RAB7A: variants seen among roughly 807,000 people sequenced by gnomAD.
RAB7A encodes ras-related protein Rab-7a.
Under a neutral mutation model 24.5 loss-of-function variants are expected in RAB7A, and 2 were observed. The observed-to-expected ratio is 0.08, with a 90% CI of 0.03 to 0.26. The LOEUF (loss-of-function observed/expected upper bound fraction) is 0.26. Among genes scored for constraint, RAB7A ranks in the 10% least tolerant of loss-of-function variants. The pLI, the probability that RAB7A is intolerant of heterozygous loss-of-function variation, is 1.00. For synonymous variants in RAB7A, 100 were observed against 95.9 expected (o/e 1.04, Z -0.25); for missense variants, 118 against 255.7 (o/e 0.46, Z 3.67).
intron 1 of RAB7A, among the ~76,000 whole-genome samples, chr3:128,741,489 A>AT (rs890131659): frequency 4.6e-5 from 7 of 152,068 alleles, no homozygotes; most frequent in African/African-American, 2.4e-5. Context: ...TTGACTAGAA[A>AT]TTTTTTTTAT....
intron 2 of RAB7A, 126 bp downstream of exon 2, chr3:128,795,546 C>T (rs905078244): frequency 3.4e-5 from 29 of 856,554 alleles, no homozygotes; most frequent in Non-Finnish European, 5.4e-5. Flanking sequence ...ACATGTTTCC[C>T]TCCACGGCAG....
intron 1 of RAB7A, among the ~76,000 whole-genome samples, chr3:128,728,282 C>A (rs1411180377): frequency 1.3e-5 from 2 of 152,212 alleles, no homozygotes; most frequent in East Asian, 3.9e-4. Context: ...CAGTAGTAAC[C>A]CAAAGGATGG....
chr3:128,798,198 A>C, intron 3 of RAB7A, 129 bp downstream of exon 3: 2 of 1,239,584 alleles, frequency 1.6e-6, no homozygotes, highest in Non-Finnish European at 2.3e-6. Context: ...TAATTGGCTG[A>C]TACTCAGTTA....
At chr3:128,793,749 A>G (rs1458140364) in intron 1 of RAB7A, among the ~76,000 whole-genome samples, 3 of 152,222 alleles carry the variant, frequency 2.0e-5, no homozygotes, top group Admixed American at 2.0e-4. Context: ...ACAGAACTCC[A>G]AGTCATCTTA....
chr3:128,730,253 G>A (rs1420764142), intron 1 of RAB7A, among the ~76,000 whole-genome samples: 2 of 149,338 alleles, frequency 1.3e-5, no homozygotes, highest in African/African-American at 2.5e-5. Flanking sequence ...TTTTTTAGAC[G>A]GAATCTTGCT....
chr3:128,735,231 G>A (rs2070479665), intron 1 of RAB7A, among the ~76,000 whole-genome samples: 1 of 152,202 alleles, frequency 6.6e-6, no homozygotes, highest in Non-Finnish European at 1.5e-5. Context: ...AAATAAATTG[G>A]TAGGCAGGTG....
intron 1 of RAB7A, among the ~76,000 whole-genome samples, chr3:128,786,488 A>G (rs1466624133): frequency 2.0e-5 from 3 of 152,208 alleles, no homozygotes; most frequent in Non-Finnish European, 4.4e-5. Flanking sequence ...TGAGGGCAAG[A>G]TGACTGCTGG....
At chr3:128,751,325 A>G (rs765640421) in intron 1 of RAB7A, among the ~76,000 whole-genome samples, 2 of 152,180 alleles carry the variant, frequency 1.3e-5, no homozygotes, top group Admixed American at 6.6e-5. Context: ...CAGCCTGTGA[A>G]AGCAGCCAGG....
intron 5 of RAB7A, among the ~76,000 whole-genome samples, chr3:128,807,939 T>C (rs1490723558): frequency 2.6e-5 from 4 of 152,224 alleles, no homozygotes; most frequent in Admixed American, 6.5e-5. Flanking sequence ...TTCTTTGCTG[T>C]GATTAGGAGA....
intron 1 of RAB7A, among the ~76,000 whole-genome samples, chr3:128,740,727 C>G (rs2070543778): frequency 1.3e-5 from 2 of 148,384 alleles, no homozygotes; most frequent in South Asian, 4.2e-4. Flanking sequence ...AAGACCCTGT[C>G]TTTACAAAAA....
intron 1 of RAB7A, among the ~76,000 whole-genome samples, chr3:128,763,205 TATA>T (rs1213285896): frequency 6.1e-5 from 7 of 114,078 alleles, no homozygotes; most frequent in African/African-American, 2.0e-4. Context: ...TATATATATA[TATA>T]TTTTTTTTTT....
intron 1 of RAB7A, chr3:128,765,130 C>T (rs564262047): frequency 5.2e-5 from 37 of 714,616 alleles, no homozygotes; most frequent in African/African-American, 4.9e-4. Flanking sequence ...TGGCTACGGG[C>T]GGCCGGCCGG....
At chr3:128,744,303 G>A (rs1322671839) in intron 1 of RAB7A, among the ~76,000 whole-genome samples, 2 of 152,090 alleles carry the variant, frequency 1.3e-5, no homozygotes, top group African/African-American at 4.8e-5. Flanking sequence ...GAGCATAAAA[G>A]TACAATAACT....
intron 1 of RAB7A, among the ~76,000 whole-genome samples, chr3:128,780,792 A>T (rs995322850): frequency 2.6e-5 from 4 of 152,242 alleles, no homozygotes; most frequent in African/African-American, 9.6e-5. Flanking sequence ...CCATGTGCCT[A>T]TGTGGTCACT....
At chr3:128,760,941 A>C (rs1478009060) in intron 1 of RAB7A, among the ~76,000 whole-genome samples, 1 of 152,228 alleles carries the variant, frequency 6.6e-6, no homozygotes, top group African/African-American at 2.4e-5. Flanking sequence ...AATCCTCCCT[A>C]CAACCCTAAG....
intron 2 of RAB7A, 63 bp downstream of exon 2, chr3:128,795,483 C>T: frequency 6.9e-7 from 1 of 1,439,270 alleles, no homozygotes; most frequent in Non-Finnish European, 9.8e-7. Flanking sequence ...TGCTGTGGAG[C>T]CCACACTGTC....
rs1933611417 is a variant in RAB7A at position 128,798,075 on chromosome 3, C to T, written c.180+6C>T. 3 of 1,613,816 alleles carry T rather than the reference C, an allele frequency of 1.9e-6. No individual in the cohort carries two copies. Among genetic ancestry groups the T allele is most frequent in the South Asian group, 2.2e-5 (2 of 91,088 alleles). The stretch of plus-strand genomic sequence containing the variant: ...ACAGGCTAGTCACAATGCAGGTAAG[C>T]ACATGTCTTGGCTGTGCTGACCAGG... On this transcript the variant is annotated splice_donor_region_variant and intron_variant, in intron 3 of 5. Coordinates refer to ENST00000265062, the MANE Select transcript of RAB7A (RefSeq NM_004637.6).
intron 1 of RAB7A, among the ~76,000 whole-genome samples, chr3:128,745,273 G>A (rs1443970020): frequency 1.3e-5 from 2 of 152,184 alleles, no homozygotes; most frequent in Admixed American, 1.3e-4. Context: ...CTGCAGGGAG[G>A]GTGCAAAACA....
Position 128,809,936 on chromosome 3 carries a change from CTTTTTTTTTTTTTTTTT to C in RAB7A, c.528+2279_528+2295del, listed in dbSNP as rs869119619. ...GAGGCAAGTTTCCTCTTGCCACAGTCTTTTTTTTTTTTTTTTTTTTTTTTTTTTTTGAGACGGAGTCT... is the reference window on the plus strand; with the variant it reads ...GAGGCAAGTTTCCTCTTGCCACAGTCTTTTTTTTTTTTTGAGACGGAGTCT... On this transcript the variant is annotated intron_variant, in intron 5 of 5. Transcript: ENST00000265062. Among the ~76,000 whole-genome samples, 273 of 52,274 alleles carry C rather than the reference CTTTTTTTTTTTTTTTTT, an allele frequency of 5.2e-3. 10 individuals are homozygous for C. The East Asian group carries it at 0.059, about 11-fold the overall frequency. 34.3% of individuals were successfully genotyped at this position (52,274 alleles called of 152,430 possible). A position where few individuals can be genotyped will look rare whatever the true frequency, so the allele number is the denominator to read the frequency against.
Sources: allele counts gnomAD v4.1 joint callset (sites outside exome capture counted in the v4.1 genomes callset), GRCh38; gene constraint gnomAD v4.1.1; transcripts MANE v1.5; gene names NCBI Gene and HGNC (gene_info 2026-07-23, HGNC 2026-07-21).